FOXB2: variants seen among roughly 807,000 people sequenced by gnomAD.
FOXB2 encodes the protein forkhead box protein B2.
In FOXB2, 1 loss-of-function variant was observed where a neutral mutation model predicts 0.9. The ratio of observed to expected loss-of-function variants is 1.09; its 90% CI spans 0.39 to 5.18. FOXB2 has a LOEUF of 5.18. Among genes scored for constraint, FOXB2 ranks in the 30% most tolerant of loss-of-function variants. The probability of loss-of-function intolerance (pLI) is 0.16; values close to 1 mark genes in which losing one functional copy is unlikely to be tolerated. For missense variants in FOXB2, 670 were observed against 626.6 expected (o/e 1.07, Z -0.74); for synonymous variants, 322 against 293.5 (o/e 1.10, Z -0.99).
chr9:77,020,147 C>G lies in FOXB2; in HGVS notation c.493C>G (p.Pro165Ala). The G allele has an allele frequency of 1.6e-6, 2 of 1,240,116 alleles. No individual in the cohort carries two copies. The highest frequency in any genetic ancestry group is 2.3e-6 in the Non-Finnish European group (2 of 869,756). The allele number at this position is 1,240,116 out of a possible 1,614,324, so 76.8% of individuals were successfully genotyped here. Residue 165 changes from proline (P) to alanine (A), a missense_variant, in exon 1 of 1, where the codon CCG (proline) becomes GCG (alanine). Physicochemically the swap from Pro to Ala is conservative, Grantham distance 27. Coordinates refer to ENST00000376708, the MANE Select transcript of FOXB2 (RefSeq NM_001013735.1). This position sits in a 1 kb window ranked among gnomAD's most constrained non-coding sequence, Gnocchi z 4.9. ...CCACCATCACCACCACCCACCCCAG[C>G]CGCCGCCGCCGCCGCCCCCGCCGCC... ...HHHHHHHPPQ[P>A]PPPPPPPPPH...
rs1808259518 is a variant in FOXB2 at position 77,020,626 on chromosome 9, CGCCGCCGCG to C, written c.981_989del (p.Ala331_Ala333del). On this transcript the variant is annotated inframe_deletion, in exon 1 of 1. Transcript: ENST00000376708. The surrounding 1 kb of genome is among the most constrained non-coding windows in gnomAD (Gnocchi z 4.9). ...ACGTTGGCGTCATGGATTCGGTGGCCGCCGCCGCGGCCGCCGCAGCCGCAGCCGGAGTCC... is the reference window on the plus strand; with the variant it reads ...ACGTTGGCGTCATGGATTCGGTGGCCGCCGCCGCAGCCGCAGCCGGAGTCC... 2.5e-6 allele frequency: 4 copies of C among 1,595,202 alleles called. No individual in the cohort carries two copies. Among genetic ancestry groups the C allele is most frequent in the East Asian group, 2.3e-5 (1 of 43,710 alleles).
At position 77,019,820 on chromosome 9, in the gene FOXB2, C is replaced by T. The variant is rs755352940; in HGVS notation, c.166C>T (p.Arg56Cys). 1 of 1,614,132 alleles carries T rather than the reference C, an allele frequency of 6.2e-7. No individual in the cohort carries two copies. The highest frequency in any genetic ancestry group is 1.7e-5 in the Admixed American group (1 of 60,030). The change falls in exon 1 of 1, where the codon CGC becomes TGC. Residue 56 changes from arginine (R) to cysteine (C), a missense_variant. Physicochemically the swap from Arg to Cys is radical, Grantham distance 180. Coordinates refer to ENST00000376708, the MANE Select transcript of FOXB2 (RefSeq NM_001013735.1). This position sits in a 1 kb window ranked among gnomAD's most constrained non-coding sequence, Gnocchi z 4.4. ...CCCCTACTACCGCGAGCACACACAG[C>T]GCTGGCAGAACAGCCTGCGCCACAA... is the stretch of plus-strand genomic sequence containing the variant. ...RFPYYREHTQ[R>C]WQNSLRHNLS... is the part of the protein sequence containing the mutation.
chr9:77,020,695 G>T lies in FOXB2; in HGVS notation c.1041G>T (p.Pro347=), dbSNP rs370789364. Residue 347 remains proline, a synonymous_variant, in exon 1 of 1, where the codon CCG becomes CCT. Transcript: ENST00000376708. The surrounding 1 kb of genome is among the most constrained non-coding windows in gnomAD (Gnocchi z 4.9). ...VGPEYGAFGV[P]VKSLCHSASQ... is the part of the protein sequence containing the mutation. ...CGGAGTATGGGGCCTTCGGGGTCCC[G>T]GTCAAGTCCCTGTGCCACTCGGCAA... The T allele has an allele frequency of 1.2e-4, 188 of 1,601,972 alleles. 1 individual carries two copies. In the African/African-American group the frequency reaches 2.1e-3, roughly 18 times the overall value.
rs1771990535 is a variant in FOXB2, at chr9:77,020,787, T to A, written c.1133T>A (p.Leu378Gln). 6.4e-7 allele frequency: 1 copy of A among 1,572,248 alleles called. No individual in the cohort carries two copies. The highest frequency in any genetic ancestry group is 8.6e-7 in the Non-Finnish European group (1 of 1,164,954). Residue 378 changes from leucine (L) to glutamine (Q), a missense_variant, in exon 1 of 1, where the codon CTG (leucine) becomes CAG (glutamine). Leu to Gln is a moderately radical substitution (Grantham distance 113). Transcript: ENST00000376708. This position sits in a 1 kb window ranked among gnomAD's most constrained non-coding sequence, Gnocchi z 4.9. Reference protein sequence around the residue: ...PTPALPPVSALQPGLTVPAAS... With the variant: ...PTPALPPVSAQQPGLTVPAAS... ...CCTGCGCTGCCGCCCGTGTCCGCGCTGCAGCCGGGGCTCACTGTCCCCGCG... is the reference window on the plus strand; with the variant it reads ...CCTGCGCTGCCGCCCGTGTCCGCGCAGCAGCCGGGGCTCACTGTCCCCGCG...
In FOXB2 at chr9:77,020,459, C is replaced by T; in HGVS notation, c.805C>T (p.Pro269Ser). The change falls in exon 1 of 1, where the codon CCC becomes TCC. Residue 269 changes from proline to serine, a missense_variant. Physicochemically the swap from Pro to Ser is moderately conservative, Grantham distance 74. Coordinates refer to ENST00000376708, the MANE Select transcript of FOXB2 (RefSeq NM_001013735.1). The surrounding 1 kb of genome is among the most constrained non-coding windows in gnomAD (Gnocchi z 4.9). ...AAASTSGFKH[P>S]FAIENIIGRD... ...GGCGTCCACGTCAGGCTTCAAGCAC[C>T]CCTTTGCCATTGAGAACATTATTGG... is the stretch of plus-strand genomic sequence containing the variant. The T allele has an allele frequency of 6.2e-7, 1 of 1,602,918 alleles. No individual in the cohort carries two copies. Among genetic ancestry groups the T allele is most frequent in the Non-Finnish European group, 8.5e-7 (1 of 1,176,188 alleles).
chr9:77,020,952 AG>A (rs749323678), exon 1 of FOXB2: 1 of 1,563,234 alleles, frequency 6.4e-7, no homozygotes, highest in South Asian at 1.2e-5. The surrounding 1 kb of genome is among the most constrained non-coding windows in gnomAD (Gnocchi z 4.9). Context: ...GTGCACTCCT[AG>A]GGGACCCGGC....
rs758185853 is a variant in FOXB2 at position 77,020,406 on chromosome 9, C to T, written c.752C>T (p.Ser251Leu). 1.8e-5 allele frequency: 28 copies of T among 1,578,288 alleles called. No homozygotes were observed. In the East Asian group the frequency reaches 5.3e-4, roughly 30 times the overall value. ...CAGTTCCCACCCTACGGGCTGGGCT[C>T]GGCCGCCGCCGCTGCCGCCGCGGCC... The part of the protein sequence containing the change: ...LSQFPPYGLG[S>L]AAAAAAAAAA... The change falls in exon 1 of 1, where the codon TCG becomes TTG. Residue 251 changes from serine (S) to leucine (L), a missense_variant. By Grantham distance (145) the Ser-to-Leu change is moderately radical. Coordinates refer to ENST00000376708, the MANE Select transcript of FOXB2 (RefSeq NM_001013735.1). This position sits in a 1 kb window ranked among gnomAD's most constrained non-coding sequence, Gnocchi z 4.9.
Position 77,020,939 on chromosome 9 carries a change from C to T in FOXB2, c.1285C>T (p.Leu429=), listed in dbSNP as rs753210552. The T allele has an allele frequency of 3.7e-5, 58 of 1,574,088 alleles. No individual in the cohort carries two copies. The highest frequency in any genetic ancestry group is 4.6e-5 in the Non-Finnish European group (54 of 1,168,532). ...CAAGGGCGGCTCCTTGCACTCGGTG[C>T]TAGTGCACTCCTAGGGGACCCGGCG... ...ESKGGSLHSV[L]VHS The change falls in exon 1 of 1, where the codon CTA becomes TTA. Residue 429 remains leucine (L), a synonymous_variant. Transcript: ENST00000376708. The surrounding 1 kb of genome is among the most constrained non-coding windows in gnomAD (Gnocchi z 4.9).
At position 77,019,713 on chromosome 9, in the gene FOXB2, C is replaced by T. The variant is rs560659885; in HGVS notation, c.59C>T (p.Ser20Leu). Residue 20 changes from serine to leucine, a missense_variant, in exon 1 of 1, where the codon TCG (serine) becomes TTG (leucine). Coordinates refer to ENST00000376708, the MANE Select transcript of FOXB2 (RefSeq NM_001013735.1). The surrounding 1 kb of genome is among the most constrained non-coding windows in gnomAD (Gnocchi z 4.4). Reference protein sequence around the residue: ...SDQKPPYSYISLTAMAIQHSA... With the variant: ...SDQKPPYSYILLTAMAIQHSA... ...CAAAAACCGCCCTACTCTTACATCT[C>T]GCTGACCGCCATGGCAATCCAGCAC... The T allele has an allele frequency of 1.9e-6, 3 of 1,613,106 alleles. No individual in the cohort carries two copies. The highest frequency in any genetic ancestry group is 3.3e-5 in the Admixed American group (2 of 59,860).
chr9:77,019,821 G>C lies in FOXB2; in HGVS notation c.167G>C (p.Arg56Pro), dbSNP rs748647213. 1 of 1,614,100 alleles carries C rather than the reference G, an allele frequency of 6.2e-7. No homozygotes were observed. Among genetic ancestry groups the C allele is most frequent in the Non-Finnish European group, 8.5e-7 (1 of 1,180,022 alleles). Residue 56 changes from arginine to proline, a missense_variant, in exon 1 of 1, where the codon CGC becomes CCC. Physicochemically the swap from Arg to Pro is moderately radical, Grantham distance 103 (BLOSUM62 -2). Coordinates refer to ENST00000376708, the MANE Select transcript of FOXB2 (RefSeq NM_001013735.1). The surrounding 1 kb of genome is among the most constrained non-coding windows in gnomAD (Gnocchi z 4.4). Reference protein sequence around the residue: ...RFPYYREHTQRWQNSLRHNLS... With the variant: ...RFPYYREHTQPWQNSLRHNLS... ...CCCTACTACCGCGAGCACACACAGC[G>C]CTGGCAGAACAGCCTGCGCCACAAC...
Position 77,020,397 on chromosome 9 carries a change from G to A in FOXB2, c.743G>A (p.Gly248Glu), listed in dbSNP as rs750244855. Residue 248 changes from glycine to glutamate, a missense_variant, in exon 1 of 1, where the codon GGG becomes GAG. Gly to Glu is a moderately conservative substitution (Grantham distance 98, BLOSUM62 -2). Coordinates refer to ENST00000376708, the MANE Select transcript of FOXB2 (RefSeq NM_001013735.1). This position sits in a 1 kb window ranked among gnomAD's most constrained non-coding sequence, Gnocchi z 4.9. ...CGCCTGTCTCAGTTCCCACCCTACG[G>A]GCTGGGCTCGGCCGCCGCCGCTGCC... ...VGRLSQFPPY[G>E]LGSAAAAAAA... is the part of the protein sequence containing the mutation. 8 of 1,575,212 alleles carry A rather than the reference G, an allele frequency of 5.1e-6. 1 individual carries two copies. The highest frequency in any genetic ancestry group is 2.8e-5 in the African/African-American group (2 of 70,510).
rs1436771305 is a variant in FOXB2, at chr9:77,020,742, C to A, written c.1088C>A (p.Pro363Gln). The A allele has an allele frequency of 1.3e-6, 2 of 1,596,124 alleles. No individual in the cohort carries two copies. Among genetic ancestry groups the A allele is most frequent in the Non-Finnish European group, 1.7e-6 (2 of 1,174,222 alleles). Residue 363 changes from proline (P) to glutamine (Q), a missense_variant, in exon 1 of 1, where the codon CCG becomes CAG. Physicochemically the swap from Pro to Gln is moderately conservative, Grantham distance 76. Transcript: ENST00000376708. This position sits in a 1 kb window ranked among gnomAD's most constrained non-coding sequence, Gnocchi z 4.9. Reference sequence around the variant, plus strand: ...GCAAGCCAGAGCCTGCCTGCCATGCCGGTGCCCATCAAGCCCACGCCTGCG... The same window carrying A: ...GCAAGCCAGAGCCTGCCTGCCATGCAGGTGCCCATCAAGCCCACGCCTGCG... ...HSASQSLPAMPVPIKPTPALP... is the reference protein window; with the variant it reads ...HSASQSLPAMQVPIKPTPALP...
chr9:77,020,648 G>T lies in FOXB2; in HGVS notation c.994G>T (p.Ala332Ser), dbSNP rs1342560800. 1.9e-6 allele frequency: 3 copies of T among 1,600,406 alleles called. No homozygotes were observed. Among genetic ancestry groups the T allele is most frequent in the Admixed American group, 3.4e-5 (2 of 58,702 alleles). ...SVAAAAAAAA[A>S]AGVPVGPEYG... ...GGCCGCCGCCGCGGCCGCCGCAGCC[G>T]CAGCCGGAGTCCCTGTAGGCCCGGA... The change falls in exon 1 of 1, where the codon GCA (alanine) becomes TCA (serine). Residue 332 changes from alanine to serine, a missense_variant. Physicochemically the swap from Ala to Ser is moderately conservative, Grantham distance 99. Transcript: ENST00000376708. This position sits in a 1 kb window ranked among gnomAD's most constrained non-coding sequence, Gnocchi z 4.9.
chr9:77,020,691 T>C lies in FOXB2; in HGVS notation c.1037T>C (p.Val346Ala). Residue 346 changes from valine to alanine, a missense_variant, in exon 1 of 1, where the codon GTC becomes GCC. Val to Ala is a moderately conservative substitution (Grantham distance 64, BLOSUM62 0). Transcript: ENST00000376708. The surrounding 1 kb of genome is among the most constrained non-coding windows in gnomAD (Gnocchi z 4.9). Reference sequence around the variant, plus strand: ...GGCCCGGAGTATGGGGCCTTCGGGGTCCCGGTCAAGTCCCTGTGCCACTCG... The same window carrying C: ...GGCCCGGAGTATGGGGCCTTCGGGGCCCCGGTCAAGTCCCTGTGCCACTCG... ...PVGPEYGAFG[V>A]PVKSLCHSAS... 6.2e-7 allele frequency: 1 copy of C among 1,602,054 alleles called. No homozygotes were observed. The highest frequency in any genetic ancestry group is 8.5e-7 in the Non-Finnish European group (1 of 1,175,920).
In FOXB2 at chr9:77,020,175, C is replaced by CGCA; in HGVS notation, c.522_524dup (p.Pro174_His175insGln). The CGCA allele has an allele frequency of 8.3e-7, 1 of 1,205,084 alleles. No homozygotes were observed. Among genetic ancestry groups the CGCA allele is most frequent in the Non-Finnish European group, 1.2e-6 (1 of 823,278 alleles). 74.6% of individuals were successfully genotyped at this position (1,205,084 alleles called of 1,614,324 possible). A position where few individuals can be genotyped will look rare whatever the true frequency, so the allele number is the denominator to read the frequency against. ...CCGCCGCCGCCGCCCCCGCCGCCGCCGCACATGGTACACTATTTCCATCAG... is the reference window on the plus strand; with the variant it reads ...CCGCCGCCGCCGCCCCCGCCGCCGCCGCAGCACATGGTACACTATTTCCATCAG... On this transcript the variant is annotated inframe_insertion, in exon 1 of 1. Coordinates refer to ENST00000376708, the MANE Select transcript of FOXB2 (RefSeq NM_001013735.1). This position sits in a 1 kb window ranked among gnomAD's most constrained non-coding sequence, Gnocchi z 4.9.
In FOXB2 at chr9:77,020,397, G is replaced by T. The variant is rs750244855; in HGVS notation, c.743G>T (p.Gly248Val). The change falls in exon 1 of 1, where the codon GGG (glycine) becomes GTG (valine). Residue 248 changes from glycine (G) to valine (V), a missense_variant. Gly to Val is a moderately radical substitution (Grantham distance 109). Coordinates refer to ENST00000376708, the MANE Select transcript of FOXB2 (RefSeq NM_001013735.1). The surrounding 1 kb of genome is among the most constrained non-coding windows in gnomAD (Gnocchi z 4.9). The stretch of plus-strand genomic sequence containing the variant: ...CGCCTGTCTCAGTTCCCACCCTACG[G>T]GCTGGGCTCGGCCGCCGCCGCTGCC... Reference protein sequence around the residue: ...VGRLSQFPPYGLGSAAAAAAA... With the variant: ...VGRLSQFPPYVLGSAAAAAAA... The T allele has an allele frequency of 6.3e-7, 1 of 1,575,324 alleles. No homozygotes were observed. The highest frequency in any genetic ancestry group is 1.1e-5 in the South Asian group (1 of 87,878).
rs560698623 is a variant in FOXB2, at chr9:77,020,326, G to C, written c.672G>C (p.Ala224=). 7.5e-6 allele frequency: 9 copies of C among 1,206,022 alleles called. No homozygotes were observed. The East Asian group carries it at 2.4e-4, about 33-fold the overall frequency. The allele number at this position is 1,206,022 out of a possible 1,614,324, so 74.7% of individuals were successfully genotyped here. A position where few individuals can be genotyped will look rare whatever the true frequency, so the allele number is the denominator to read the frequency against. ...PGKMQEAAAV[A]AAAAAAAAAA... is the part of the protein sequence containing the mutation. ...AGATGCAGGAGGCGGCGGCCGTGGC[G>C]GCGGCGGCGGCGGCGGCCGCGGCAG... is the stretch of plus-strand genomic sequence containing the variant. Residue 224 remains alanine (A), a synonymous_variant, in exon 1 of 1, where the codon GCG becomes GCC. Transcript: ENST00000376708. This position sits in a 1 kb window ranked among gnomAD's most constrained non-coding sequence, Gnocchi z 4.9.
Position 77,020,109 on chromosome 9 carries a change from CT to C in FOXB2, c.456del (p.Ala153ProfsTer185), listed in dbSNP as rs1368846976. ...CCCCACCACCACCATCATCACCACG[CT>C]GCCGCACACCACCACCATCACCACC... ...HHPHHHHHHH[A>X]AAHHHHHHHP... On this transcript the variant is annotated frameshift_variant, in exon 1 of 1. Coordinates refer to ENST00000376708, the MANE Select transcript of FOXB2 (RefSeq NM_001013735.1). LOFTEE classifies it low-confidence loss of function (END_TRUNC). The surrounding 1 kb of genome is among the most constrained non-coding windows in gnomAD (Gnocchi z 4.9). 6.7e-7 allele frequency: 1 copy of C among 1,494,756 alleles called. No individual in the cohort carries two copies. Among genetic ancestry groups the C allele is most frequent in the Non-Finnish European group, 9.0e-7 (1 of 1,107,458 alleles). 92.6% of individuals were successfully genotyped at this position (1,494,756 alleles called of 1,614,324 possible).
In FOXB2 at chr9:77,020,422, C is replaced by T. The variant is rs1407066250; in HGVS notation, c.768C>T (p.Ala256=). ...PYGLGSAAAA[A]AAAAASTSGF... Reference sequence around the variant, plus strand: ...GGCTGGGCTCGGCCGCCGCCGCTGCCGCCGCGGCCGCGGCGTCCACGTCAG... The same window carrying T: ...GGCTGGGCTCGGCCGCCGCCGCTGCTGCCGCGGCCGCGGCGTCCACGTCAG... The change falls in exon 1 of 1, where the codon GCC becomes GCT. Residue 256 remains alanine (A), a synonymous_variant. Coordinates refer to ENST00000376708, the MANE Select transcript of FOXB2 (RefSeq NM_001013735.1). The surrounding 1 kb of genome is among the most constrained non-coding windows in gnomAD (Gnocchi z 4.9). 1 of 1,589,084 alleles carries T rather than the reference C, an allele frequency of 6.3e-7. No homozygotes were observed.
Sources: gnomAD v4.1 joint callset for allele counts on GRCh38, gnomAD v4.1.1 for gene constraint, Gnocchi (gnomAD v3.1) non-coding constraint, MANE v1.5 for transcripts, NCBI Gene and HGNC (gene_info 2026-07-23, HGNC 2026-07-21) for gene names.